Variants in ADAMTSL1 observed in about 807,000 individuals in gnomAD.
The protein encoded by ADAMTSL1 is ADAMTS like 1, also known as ADAMTS-like protein 1.
A neutral mutation model predicts 201.8 loss-of-function variants in ADAMTSL1; 126 were observed. That is an observed-to-expected ratio of 0.62 (90% CI 0.54 to 0.72). ADAMTSL1 has a LOEUF of 0.72. ADAMTSL1 is among the 30% of genes least tolerant of loss of function. The pLI is 0.00. For missense variants in ADAMTSL1, 2,679 were observed against 2,277.8 expected (o/e 1.18, Z -3.59); for synonymous variants, 1,121 against 903.4 (o/e 1.24, Z -4.32).
chr9:18,897,225 T>A (rs929393312), intron 26 of ADAMTSL1, among the ~76,000 whole-genome samples: 3 of 152,240 alleles, frequency 2.0e-5, no homozygotes, highest in African/African-American at 7.2e-5. Flanking sequence ...GATCTCTCCC[T>A]GGGACAGAGC....
intron 2 of ADAMTSL1, among the ~76,000 whole-genome samples, chr9:18,451,951 C>T (rs1820422815): frequency 6.6e-6 from 1 of 152,174 alleles, no homozygotes; most frequent in African/African-American, 2.4e-5. Context: ...GCTTTTGTTT[C>T]CCAGGCTGGT....
At chr9:18,361,405 A>G (rs1283012567) in intron 2 of ADAMTSL1, among the ~76,000 whole-genome samples, 2 of 152,206 alleles carry the variant, frequency 1.3e-5, no homozygotes, top group Non-Finnish European at 2.9e-5. Context: ...TTGTCATTGA[A>G]CATTAAATCT....
At chr9:17,978,752 A>T (rs985290768) in intron 1 of ADAMTSL1, among the ~76,000 whole-genome samples, 2 of 151,886 alleles carry the variant, frequency 1.3e-5, no homozygotes, top group Admixed American at 1.3e-4. Flanking sequence ...TTTTCTAAAT[A>T]CTTACCTTTA....
Position 18,639,341 on chromosome 9 carries a change from A to G in ADAMTSL1, c.764A>G (p.Asp255Gly). 6.2e-7 allele frequency: 1 copy of G among 1,613,028 alleles called. No individual in the cohort carries two copies. Among genetic ancestry groups the G allele is most frequent in the Non-Finnish European group, 8.5e-7 (1 of 1,179,310 alleles). ...TTCCTTGTGGACAATTCTAGTGTGG[A>G]CTTCCAGAAATTTCCAGACAAAGAG... ...GTFLVDNSSV[D>G]FQKFPDKEIL... The change falls in exon 7 of 29, where the codon GAC becomes GGC. Residue 255 changes from aspartate (D) to glycine (G), a missense_variant. By Grantham distance (94) the Asp-to-Gly change is moderately conservative. Transcript: ENST00000380548.
At chr9:18,359,041 T>A (rs1001383541) in intron 2 of ADAMTSL1, among the ~76,000 whole-genome samples, 1 of 152,204 alleles carries the variant, frequency 6.6e-6, no homozygotes, top group Non-Finnish European at 1.5e-5. Context: ...TTAGAATGCA[T>A]GCTACAAGCA....
chr9:18,124,356 C>T (rs1825644174), intron 1 of ADAMTSL1, among the ~76,000 whole-genome samples: 1 of 152,148 alleles, frequency 6.6e-6, no homozygotes, highest in Non-Finnish European at 1.5e-5. Flanking sequence ...GCTAGGATTA[C>T]AGGTGTGCGC....
At chr9:18,507,732 T>G (rs1166939366) in intron 2 of ADAMTSL1, among the ~76,000 whole-genome samples, 1 of 152,156 alleles carries the variant, frequency 6.6e-6, no homozygotes, top group Non-Finnish European at 1.5e-5. Flanking sequence ...CGCATGTATT[T>G]GTGTGTGTGC....
chr9:18,488,721 C>A (rs980823948), intron 1 of ADAMTSL1, among the ~76,000 whole-genome samples: 2 of 152,178 alleles, frequency 1.3e-5, no homozygotes, highest in Non-Finnish European at 2.9e-5. Context: ...AATTATTACT[C>A]TCTCCCTGCA....
chr9:18,895,288 T>C (rs1829552779), intron 26 of ADAMTSL1, among the ~76,000 whole-genome samples: 1 of 152,156 alleles, frequency 6.6e-6, no homozygotes, highest in Non-Finnish European at 1.5e-5. Context: ...AAAAAACAAC[T>C]AGACACTGGC....
At position 18,028,851 on chromosome 9, in the gene ADAMTSL1, C is replaced by T. The variant is rs1329337209; in HGVS notation, c.87+121929C>T. ...CACTGAATCTATAAATTACCTTGGG[C>T]AGTATGGCCATTTTCACGATATTGA... On this transcript the variant is annotated intron_variant, in intron 1 of 29. Transcript: ENST00000680146. Among the ~76,000 whole-genome samples, 3 of 152,230 alleles carry T rather than the reference C, an allele frequency of 2.0e-5. No homozygotes were observed. In the East Asian group the frequency reaches 5.8e-4, roughly 29 times the overall value.
At chr9:18,476,010 G>A (rs2131776512) in intron 1 of ADAMTSL1, among the ~76,000 whole-genome samples, 1 of 152,136 alleles carries the variant, frequency 6.6e-6, no homozygotes, top group African/African-American at 2.4e-5. Flanking sequence ...GCTTATTTCA[G>A]AAGGACTTAA....
At position 18,031,048 on chromosome 9, in the gene ADAMTSL1, C is replaced by G. The variant is rs887899776; in HGVS notation, c.87+124126C>G. Reference sequence around the variant, plus strand: ...TTTTTTCTTAAAATGGCTACGTCATCTTTTAAACTCTTGGATTGTTTTACT... The same window carrying G: ...TTTTTTCTTAAAATGGCTACGTCATGTTTTAAACTCTTGGATTGTTTTACT... On this transcript the variant is annotated intron_variant, in intron 1 of 29. Coordinates refer to the ADAMTSL1 transcript ENST00000680146. Among the ~76,000 whole-genome samples the G allele has an allele frequency of 3.3e-5, 5 of 152,052 alleles. No homozygotes were observed. The East Asian group carries it at 9.7e-4, about 29-fold the overall frequency.
At position 18,824,036 on chromosome 9, in the gene ADAMTSL1, C is replaced by T. The variant is rs764688114; in HGVS notation, c.3935-2248C>T. Among the ~76,000 whole-genome samples the T allele has an allele frequency of 4.1e-5, 6 of 147,320 alleles. No homozygotes were observed. The East Asian group carries it at 7.9e-4, about 19-fold the overall frequency. On this transcript the variant is annotated intron_variant, in intron 21 of 28. Transcript: ENST00000380548. ...AGGAAGGAAAGAAGGAAGGAAGGAA[C>T]GAAGGAAGGAAGGAAGGAAGGAAGG...
chr9:18,525,507 C>T (rs1818980849), intron 2 of ADAMTSL1, among the ~76,000 whole-genome samples: 1 of 152,112 alleles, frequency 6.6e-6, no homozygotes, highest in Admixed American at 6.6e-5. Context: ...TTTGCTCTTG[C>T]TTCTCTAGTT....
chr9:18,166,515 G>T (rs1827639594), intron 2 of ADAMTSL1, among the ~76,000 whole-genome samples: 1 of 151,910 alleles, frequency 6.6e-6, no homozygotes, highest in South Asian at 2.1e-4. Context: ...GGGATTATCT[G>T]TCACGACGTC....
At chr9:18,388,091 A>G (rs563034971) in intron 2 of ADAMTSL1, among the ~76,000 whole-genome samples, 8 of 152,146 alleles carry the variant, frequency 5.3e-5, no homozygotes, top group Non-Finnish European at 1.2e-4. Context: ...TATTTTGGAT[A>G]ATATTCATCA....
At chr9:18,096,537 T>C (rs1314452678) in intron 1 of ADAMTSL1, among the ~76,000 whole-genome samples, 1 of 152,224 alleles carries the variant, frequency 6.6e-6, no homozygotes, top group Non-Finnish European at 1.5e-5. Context: ...TATTGGATAG[T>C]GCACTTCAGA....
At chr9:18,643,959 A>G (rs537784802) in intron 7 of ADAMTSL1, among the ~76,000 whole-genome samples, 1 of 151,998 alleles carries the variant, frequency 6.6e-6, no homozygotes, top group East Asian at 1.9e-4. Flanking sequence ...AAATCTGTAG[A>G]TAGTGTTGGG....
At chr9:18,380,152 C>G (rs1432763918) in intron 2 of ADAMTSL1, among the ~76,000 whole-genome samples, 1 of 152,108 alleles carries the variant, frequency 6.6e-6, no homozygotes, top group African/African-American at 2.4e-5. Context: ...TTTTAACAGC[C>G]TTTCCTCCAC....
Sources: gnomAD v4.1 joint callset for allele counts (sites outside exome capture counted in the v4.1 genomes callset) on GRCh38, gnomAD v4.1.1 for gene constraint, MANE v1.5 for transcripts, NCBI Gene and HGNC (gene_info 2026-07-23, HGNC 2026-07-21) for gene names.